Variants in CIDEB observed in about 807,000 individuals in gnomAD.
CIDEB encodes the protein cell death inducing DFFA like effector b.
Under a neutral mutation model 22.4 loss-of-function variants are expected in CIDEB, and 27 were observed. The ratio of observed to expected loss-of-function variants is 1.21; its 90% CI spans 0.89 to 1.66. The LOEUF (loss-of-function observed/expected upper bound fraction) is 1.66, where lower values mean the gene tolerates loss of function less well. Ranked by LOEUF, CIDEB falls within the 40% of genes most tolerant of loss-of-function variation. CIDEB has a pLI of 0.00. For synonymous variants in CIDEB, 103 were observed against 109.5 expected (o/e 0.94, Z 0.37); for missense variants, 289 against 268.7 (o/e 1.08, Z -0.53).
rs770979892 is a variant in CIDEB at position 24,306,044 on chromosome 14, G to A, written c.430C>T (p.Arg144Ter). 1.7e-5 allele frequency: 28 copies of A among 1,614,134 alleles called. 1 individual carries two copies. The South Asian group carries it at 2.3e-4, about 13-fold the overall frequency. Residue 144 changes from arginine to a stop codon, truncating the protein, a stop_gained, in exon 4 of 5, where the codon CGA becomes TGA. Transcript: ENST00000554411. LOFTEE classifies it high-confidence loss of function. ...FTFDVYKQNP[R>*]DLFGSLNVKA... ...ACATTCAGGCTGCCAAAGAGGTCTC[G>A]AGGGTTTTGCTTGTACACGTCAAAG...
chr14:24,306,526 G>T lies in CIDEB; in HGVS notation c.187-3C>A, dbSNP rs764683004. On this transcript the variant is annotated splice_polypyrimidine_tract_variant and splice_region_variant and intron_variant, in intron 2 of 4. Transcript: ENST00000554411. Reference sequence around the variant, plus strand: ...TTCAGCAGTAGGGTCTCCAATGCCTGCCCAATGGCAAGAAGCAAGAAGGGC... The same window carrying T: ...TTCAGCAGTAGGGTCTCCAATGCCTTCCCAATGGCAAGAAGCAAGAAGGGC... 1.2e-6 allele frequency: 2 copies of T among 1,614,202 alleles called. No individual in the cohort carries two copies. Among genetic ancestry groups the T allele is most frequent in the Non-Finnish European group, 1.7e-6 (2 of 1,180,030 alleles).
chr14:24,309,915 G>C (rs765277278), upstream of CIDEB: 49 of 153,806 alleles, frequency 3.2e-4, no homozygotes, highest in Non-Finnish European at 5.9e-4. Flanking sequence ...ATTGGGGCCA[G>C]AGCTGGGGGA....
chr14:24,306,604 G>T, intron 2 of CIDEB, 81 bp from the exon 3 acceptor site: 1 of 1,577,626 alleles, frequency 6.3e-7, no homozygotes, highest in Non-Finnish European at 8.7e-7. Context: ...CCATCAGTTG[G>T]CTCTAGACAT....
upstream of CIDEB, chr14:24,310,917 C>T (rs778654292): frequency 6.3e-7 from 1 of 1,589,240 alleles, no homozygotes; most frequent in South Asian, 1.1e-5. Flanking sequence ...CCTGACCCGG[C>T]AGGCCTGGCC....
upstream of CIDEB, chr14:24,311,360 C>G (rs771841597): frequency 6.2e-7 from 1 of 1,604,974 alleles, no homozygotes; most frequent in South Asian, 1.1e-5. Context: ...TCGTGCTTGC[C>G]TTCGGCTTGC....
In CIDEB at chr14:24,307,894, G is replaced by A; in HGVS notation, c.-36C>T. 6.4e-7 allele frequency: 1 copy of A among 1,561,222 alleles called. No individual in the cohort carries two copies. Among genetic ancestry groups the A allele is most frequent in the Non-Finnish European group, 8.7e-7 (1 of 1,149,376 alleles). On this transcript the variant is annotated 5_prime_UTR_variant, in exon 1 of 5. Transcript: ENST00000554411. ...AGAGTTCCTTCCCTGGAACTTCTGG[G>A]CTGGGTGGTTCTCTCCTGTGCTGGG...
chr14:24,305,884 G>A, intron 4 of CIDEB, 63 bp downstream of exon 4: 1 of 1,584,122 alleles, frequency 6.3e-7, no homozygotes, highest in Non-Finnish European at 8.6e-7. Flanking sequence ...GGGTGCAAGA[G>A]GACGAATTAT....
chr14:24,310,917 C>A, upstream of CIDEB: 1 of 1,589,240 alleles, frequency 6.3e-7, no homozygotes, highest in Non-Finnish European at 8.5e-7. Flanking sequence ...CCTGACCCGG[C>A]AGGCCTGGCC....
At chr14:24,306,272 C>A (rs946140820) in intron 3 of CIDEB, 102 bp downstream of exon 3, 35 of 1,546,928 alleles carry the variant, frequency 2.3e-5, no homozygotes, top group Non-Finnish European at 3.0e-5. Context: ...TTCCACAACT[C>A]CTCCTGCACC....
intron 2 of CIDEB, chr14:24,306,909 T>C (rs2041528549): frequency 3.4e-6 from 1 of 290,874 alleles, no homozygotes. Flanking sequence ...GTTTAACCTT[T>C]TTGAGTCCTT....
rs897793055 is a variant in CIDEB, at chr14:24,307,391, G to A, written c.166C>T (p.Arg56Cys). 5.0e-6 allele frequency: 8 copies of A among 1,613,778 alleles called. No homozygotes were observed. The highest frequency in any genetic ancestry group is 2.7e-5 in the African/African-American group (2 of 75,044). ...TIRKGLTAAT[R>C]QELLAKALET... is the part of the protein sequence containing the mutation. ...CTTACTTTGGCTAGCAGCTCCTGGC[G>A]GGTGGCAGCTGTCAGGCCTTTCCGG... is the stretch of plus-strand genomic sequence containing the variant. The change falls in exon 2 of 5, where the codon CGC becomes TGC. Residue 56 changes from arginine to cysteine, a missense_variant. Transcript: ENST00000554411.
In CIDEB at chr14:24,305,839, G is replaced by A. The variant is rs1248286939; in HGVS notation, c.528-74C>T. The A allele has an allele frequency of 2.5e-6, 4 of 1,592,328 alleles. No individual in the cohort carries two copies. The East Asian group carries it at 8.9e-5, about 36-fold the overall frequency. ...GGAAGCCATCAAGCTGGGAGATGAGGACTTTCCACAAGCAAGAGCTAACTA... is the reference window on the plus strand; with the variant it reads ...GGAAGCCATCAAGCTGGGAGATGAGAACTTTCCACAAGCAAGAGCTAACTA... On this transcript the variant is annotated intron_variant, in intron 4 of 4. Coordinates refer to ENST00000554411, the MANE Select transcript of CIDEB (RefSeq NM_001393339.1).
At chr14:24,309,238 T>C (rs900168677), upstream of CIDEB, 12 of 152,272 alleles carry the variant, frequency 7.9e-5, no homozygotes, top group Non-Finnish European at 1.8e-4. Flanking sequence ...TTTTACCTTA[T>C]GCCCTCACTT....
chr14:24,306,823 C>G, intron 2 of CIDEB: 1 of 445,444 alleles, frequency 2.2e-6, no homozygotes, highest in Non-Finnish European at 4.2e-6. Flanking sequence ...GAAGTCCACC[C>G]TTCTGTCTTA....
upstream of CIDEB, chr14:24,310,774 G>C: frequency 1.2e-6 from 2 of 1,607,450 alleles, no homozygotes; most frequent in Non-Finnish European, 1.7e-6. Flanking sequence ...GGGCTGCCTG[G>C]CAACGGCTTC....
intron 3 of CIDEB, 33 bp from the exon 4 acceptor site, chr14:24,306,170 T>C: frequency 6.3e-7 from 1 of 1,599,150 alleles, no homozygotes; most frequent in Non-Finnish European, 8.5e-7. Context: ...CAGTAGATCC[T>C]CATACCAGAC....
intron 3 of CIDEB, 86 bp downstream of exon 3, chr14:24,306,288 C>G: frequency 6.4e-7 from 1 of 1,571,392 alleles, no homozygotes; most frequent in South Asian, 1.1e-5. Flanking sequence ...GCACCTGGTC[C>G]CCAGGATCAG....
chr14:24,306,177 A>G (rs768155756), intron 3 of CIDEB, 40 bp from the exon 4 acceptor site: 1 of 1,592,110 alleles, frequency 6.3e-7, no homozygotes. Flanking sequence ...TCCTCATACC[A>G]GACACCCACC....
intron 4 of CIDEB, 49 bp downstream of exon 4, chr14:24,305,898 G>C: frequency 2.5e-6 from 4 of 1,590,060 alleles, no homozygotes; most frequent in Non-Finnish European, 3.4e-6. Flanking sequence ...GAATTATGGG[G>C]ACTATCCAAC....
Sources: allele counts gnomAD v4.1 joint callset, GRCh38; gene constraint gnomAD v4.1.1; transcripts MANE v1.5; gene names NCBI Gene and HGNC (gene_info 2026-07-23, HGNC 2026-07-21).